The following GRIN2B variants were observed in gnomAD, a reference collection of about 807,000 sequenced individuals.
The protein encoded by GRIN2B is glutamate receptor ionotropic, NMDA 2B.
Under a neutral mutation model 114.5 loss-of-function variants are expected in GRIN2B, and 5 were observed. That is an observed-to-expected ratio of 0.04 (90% CI 0.02 to 0.09). The LOEUF is 0.09. Ranked by LOEUF, GRIN2B falls within the 10% of genes least tolerant of loss-of-function variation. The pLI, the probability that GRIN2B is intolerant of heterozygous loss-of-function variation, is 1.00. For missense variants in GRIN2B, 1,108 were observed against 1,943.5 expected (o/e 0.57, Z 8.08); for synonymous variants, 787 against 745.1 (o/e 1.06, Z -0.92).
In GRIN2B at chr12:13,728,969, G is replaced by GCACC. The variant is rs576952687; in HGVS notation, c.1010+24344_1010+24347dup. ...TCAAAAGAAACCCTTACCTCCCTCAGCACCCATCAGTAAAACTCTCTCCAT... is the reference window on the plus strand; with the variant it reads ...TCAAAAGAAACCCTTACCTCCCTCAGCACCCACCCATCAGTAAAACTCTCTCCAT... On this transcript the variant is annotated intron_variant, in intron 4 of 13. Coordinates refer to ENST00000609686, the MANE Select transcript of GRIN2B (RefSeq NM_000834.5). 7.9e-5 allele frequency among the ~76,000 whole-genome samples: 12 copies of GCACC among 152,154 alleles called. No homozygotes were observed. The South Asian group carries it at 2.5e-3, about 32-fold the overall frequency.
At chr12:13,703,676 A>G (rs979303170) in intron 4 of GRIN2B, among the ~76,000 whole-genome samples, 2 of 152,182 alleles carry the variant, frequency 1.3e-5, no homozygotes, top group Non-Finnish European at 2.9e-5. Flanking sequence ...CCCCCTCTTC[A>G]TGAAAATTTA....
At chr12:13,913,822 T>G (rs9634132) in intron 2 of GRIN2B, among the ~76,000 whole-genome samples, 31,246 of 152,090 alleles carry the variant, frequency 0.21, 4,118 homozygotes, top group East Asian at 0.44. Context: ...TGTGTGACCT[T>G]AGACAACTTA....
intron 4 of GRIN2B, among the ~76,000 whole-genome samples, chr12:13,708,330 T>C (rs557888197): frequency 2.6e-5 from 4 of 152,180 alleles, no homozygotes; most frequent in African/African-American, 7.2e-5. Flanking sequence ...ACAGAGAGAA[T>C]TGAGTTCGAC....
chr12:13,812,882 C>G (rs2136685744), intron 3 of GRIN2B, among the ~76,000 whole-genome samples: 1 of 151,084 alleles, frequency 6.6e-6, no homozygotes, highest in Middle Eastern at 3.5e-3. Context: ...AAACTTGTAA[C>G]CAGATATTAT....
In GRIN2B at chr12:13,539,438, G is replaced by A. The variant is rs1948250718; in HGVS notation, c.*23345C>T. 1 of 152,220 alleles carries A rather than the reference G, an allele frequency of 6.6e-6. No homozygotes were observed. Among genetic ancestry groups the A allele is most frequent in the African/African-American group, 2.4e-5 (1 of 41,454 alleles). The allele number at this position is 152,220 out of a possible 1,614,324, so 9.4% of individuals were successfully genotyped here. ...GCTATTTTCTTACCAAGATAGCTAA[G>A]GGGGAGATACTATTATTTAACTTGG... On this transcript the variant is annotated 3_prime_UTR_variant, in exon 14 of 14. Coordinates refer to ENST00000609686, the MANE Select transcript of GRIN2B (RefSeq NM_000834.5).
At chr12:13,857,758 C>T (rs955094388) in intron 3 of GRIN2B, among the ~76,000 whole-genome samples, 3 of 152,166 alleles carry the variant, frequency 2.0e-5, no homozygotes, top group African/African-American at 7.2e-5. Context: ...CCCCTTGTCA[C>T]CTCCACCAGA....
chr12:13,733,192 C>T (rs1468834320), intron 4 of GRIN2B, among the ~76,000 whole-genome samples: 5 of 152,010 alleles, frequency 3.3e-5, no homozygotes, highest in Admixed American at 1.3e-4. Flanking sequence ...CAGTGGAGGA[C>T]AAGGTTTATG....
chr12:13,593,746 C>A (rs1031910476), intron 10 of GRIN2B, among the ~76,000 whole-genome samples: 4 of 152,154 alleles, frequency 2.6e-5, no homozygotes, highest in African/African-American at 9.7e-5. Context: ...GAACTGGCAA[C>A]CTACAGAATG....
At chr12:13,910,186 C>T in intron 2 of GRIN2B, among the ~76,000 whole-genome samples, 1 of 151,936 alleles carries the variant, frequency 6.6e-6, no homozygotes, top group Non-Finnish European at 1.5e-5. Context: ...ATTAAGTATC[C>T]CTGGTGTGCT....
At chr12:13,726,377 A>C (rs576573924) in intron 4 of GRIN2B, among the ~76,000 whole-genome samples, 260 of 151,934 alleles carry the variant, frequency 1.7e-3, no homozygotes, top group African/African-American at 5.9e-3. Context: ...TCTACTAAAA[A>C]TACAAAAATT....
chr12:13,956,642 C>T (rs1867597559), intron 2 of GRIN2B, among the ~76,000 whole-genome samples: 1 of 152,214 alleles, frequency 6.6e-6, no homozygotes, highest in Non-Finnish European at 1.5e-5. Flanking sequence ...CAACGAGCCG[C>T]ATCATCACGA....
At chr12:13,979,077 G>C (rs759567504) in intron 2 of GRIN2B, among the ~76,000 whole-genome samples, 2 of 152,118 alleles carry the variant, frequency 1.3e-5, no homozygotes, top group African/African-American at 2.4e-5. Context: ...CAGCATTTTA[G>C]AACTCTGCAA....
intron 5 of GRIN2B, among the ~76,000 whole-genome samples, chr12:13,628,700 G>A (rs971383619): frequency 2.0e-5 from 3 of 152,192 alleles, no homozygotes; most frequent in African/African-American, 7.2e-5. Flanking sequence ...TCACTGCAGG[G>A]TGCCCATACA....
At chr12:13,839,933 C>A (rs1382599830) in intron 3 of GRIN2B, among the ~76,000 whole-genome samples, 2 of 152,128 alleles carry the variant, frequency 1.3e-5, no homozygotes, top group Non-Finnish European at 2.9e-5. Flanking sequence ...TACGCATATG[C>A]ATGTATATTT....
chr12:13,605,585 C>CACA (rs1949236251), intron 10 of GRIN2B, among the ~76,000 whole-genome samples: 1 of 42,764 alleles, frequency 2.3e-5, no homozygotes, highest in Admixed American at 2.4e-4. Flanking sequence ...ACACACACAC[C>CACA]TGTCTTCATT....
chr12:13,978,935 A>T (rs938997949), intron 2 of GRIN2B, among the ~76,000 whole-genome samples: 2 of 152,226 alleles, frequency 1.3e-5, no homozygotes, highest in African/African-American at 4.8e-5. Flanking sequence ...CATATTGTAA[A>T]AATTGATGAA....
At chr12:13,583,821 G>A (rs1245602988) in intron 10 of GRIN2B, among the ~76,000 whole-genome samples, 9 of 152,242 alleles carry the variant, frequency 5.9e-5, no homozygotes. Flanking sequence ...CGCCTAGATA[G>A]AAACCATCCC....
intron 12 of GRIN2B, among the ~76,000 whole-genome samples, chr12:13,568,323 G>A (rs767311303): frequency 6.6e-6 from 1 of 152,108 alleles, no homozygotes. Context: ...GGAGAAAATT[G>A]CCTATTCCCA....
At chr12:13,652,548 G>A (rs1170349253) in intron 5 of GRIN2B, among the ~76,000 whole-genome samples, 1 of 151,956 alleles carries the variant, frequency 6.6e-6, no homozygotes, top group African/African-American at 2.4e-5. Flanking sequence ...GCAAGGAGGT[G>A]AGGAAGGTAT....
Sources: gnomAD v4.1 joint callset for allele counts (sites outside exome capture counted in the v4.1 genomes callset) on GRCh38, gnomAD v4.1.1 for gene constraint, MANE v1.5 for transcripts, NCBI Gene and HGNC (gene_info 2026-07-23, HGNC 2026-07-21) for gene names.